Variants in NOX3 observed in about 807,000 individuals in gnomAD.
NOX3 encodes the protein NADPH oxidase 3, also known as NADPH oxidase catalytic subunit-like 3.
Under a neutral mutation model 76.7 loss-of-function variants are expected in NOX3, and 74 were observed. The observed-to-expected ratio is 0.96, with a 90% CI of 0.80 to 1.17. The LOEUF (loss-of-function observed/expected upper bound fraction) is 1.17, where lower values mean the gene tolerates loss of function less well. Ranked by LOEUF, NOX3 falls within the 50% of genes most tolerant of loss-of-function variation. NOX3 has a pLI of 0.00. For synonymous variants in NOX3, 263 were observed against 261.1 expected (o/e 1.01, Z -0.07); for missense variants, 695 against 703.3 (o/e 0.99, Z 0.13).
intron 5 of NOX3, among the ~76,000 whole-genome samples, chr6:155,441,055 A>G (rs1776979391): frequency 6.6e-6 from 1 of 152,248 alleles, no homozygotes; most frequent in African/African-American, 2.4e-5. Context: ...GGACACGGCT[A>G]AACGGCCAGA....
chr6:155,447,048 CTT>C (rs34046104), intron 4 of NOX3, among the ~76,000 whole-genome samples: 14 of 143,764 alleles, frequency 9.7e-5, no homozygotes, highest in Non-Finnish European at 1.1e-4. Context: ...TATTTTATAA[CTT>C]TTTTTTTTTT....
intron 12 of NOX3, among the ~76,000 whole-genome samples, chr6:155,401,100 C>T (rs926527): frequency 0.18 from 26,620 of 152,004 alleles, 2,449 homozygotes; most frequent in South Asian, 0.22. Flanking sequence ...AAATATTTTG[C>T]CAAACTAATA....
At chr6:155,421,338 A>C (rs1409011866) in intron 10 of NOX3, among the ~76,000 whole-genome samples, 1 of 152,214 alleles carries the variant, frequency 6.6e-6, no homozygotes, top group Non-Finnish European at 1.5e-5. Flanking sequence ...GAGATTAAAA[A>C]ATTCAAATGA....
intron 9 of NOX3, among the ~76,000 whole-genome samples, chr6:155,424,111 A>G (rs1776727268): frequency 6.6e-6 from 1 of 152,262 alleles, no homozygotes; most frequent in African/African-American, 2.4e-5. Context: ...TATCCCAATC[A>G]TTCCTTTCCT....
intron 12 of NOX3, among the ~76,000 whole-genome samples, chr6:155,404,133 T>A (rs981973143): frequency 7.9e-4 from 117 of 148,294 alleles, no homozygotes; most frequent in African/African-American, 2.9e-3. Flanking sequence ...ATATATTTTT[T>A]TTTTCCCAAA....
Position 155,441,993 on chromosome 6 carries a change from G to C in NOX3, c.486+1280C>G, listed in dbSNP as rs370245223. 2.0e-5 allele frequency among the ~76,000 whole-genome samples: 3 copies of C among 152,164 alleles called. No individual in the cohort carries two copies. In the East Asian group the frequency reaches 5.8e-4, roughly 29 times the overall value. On this transcript the variant is annotated intron_variant, in intron 5 of 13. Transcript: ENST00000159060. Reference sequence around the variant, plus strand: ...AGAAAAGGTAGCTCAAGCCGAGCGCGGTGGCTCACGCCTGTAATCCCAGCA... The same window carrying C: ...AGAAAAGGTAGCTCAAGCCGAGCGCCGTGGCTCACGCCTGTAATCCCAGCA...
In NOX3 at chr6:155,422,768, T is replaced by C. The variant is rs1776707435; in HGVS notation, c.1234A>G (p.Thr412Ala). 1 of 1,613,972 alleles carries C rather than the reference T, an allele frequency of 6.2e-7. No homozygotes were observed. The highest frequency in any genetic ancestry group is 8.5e-7 in the Non-Finnish European group (1 of 1,179,974). Residue 412 changes from threonine (T) to alanine (A), a missense_variant, in exon 10 of 14, where the codon ACT becomes GCT. Physicochemically the swap from Thr to Ala is moderately conservative, Grantham distance 58. Coordinates refer to ENST00000159060, the MANE Select transcript of NOX3 (RefSeq NM_015718.3). ...GATTTCAGAAGAGCAGCGAAGGGAG[T>C]GACTCCGATCCCCGCGGCAACGCAC... ...CVCVAAGIGV[T>A]PFAALLKSIW...
chr6:155,436,982 G>A (rs1046656858), intron 6 of NOX3, among the ~76,000 whole-genome samples: 2 of 152,122 alleles, frequency 1.3e-5, no homozygotes, highest in Non-Finnish European at 2.9e-5. Flanking sequence ...TGAATGCTCA[G>A]AAGTCTTCAA....
intron 5 of NOX3, 32 bp downstream of exon 5, chr6:155,443,241 G>T (rs774711849): frequency 6.3e-7 from 1 of 1,597,018 alleles, no homozygotes. Context: ...GGATTTTTCA[G>T]GGGAGAAGCT....
intron 10 of NOX3, among the ~76,000 whole-genome samples, chr6:155,418,376 C>T (rs1776646852): frequency 6.6e-6 from 1 of 152,226 alleles, no homozygotes; most frequent in Admixed American, 6.5e-5. Flanking sequence ...TCTCAACCAC[C>T]CTCAGCCTTC....
chr6:155,433,850 G>T (rs1776866856), intron 7 of NOX3, among the ~76,000 whole-genome samples: 1 of 152,216 alleles, frequency 6.6e-6, no homozygotes, highest in East Asian at 1.9e-4. Flanking sequence ...TAATGGGGAA[G>T]AACTATTTAG....
chr6:155,426,976 C>T (rs1582937620), intron 9 of NOX3, among the ~76,000 whole-genome samples: 1 of 82,068 alleles, frequency 1.2e-5, no homozygotes, highest in Non-Finnish European at 2.2e-5. Flanking sequence ...AGCAGTTAGA[C>T]ACTGTGGCGT....
chr6:155,438,525 G>A (rs750946930), intron 6 of NOX3, among the ~76,000 whole-genome samples: 9 of 152,190 alleles, frequency 5.9e-5, no homozygotes, highest in East Asian at 3.8e-4. Flanking sequence ...GAGGGACCAC[G>A]GGAGAAGTCT....
At chr6:155,415,562 T>C (rs1422088647) in intron 10 of NOX3, among the ~76,000 whole-genome samples, 1 of 152,196 alleles carries the variant, frequency 6.6e-6, no homozygotes, top group Non-Finnish European at 1.5e-5. Context: ...GTTTAGGATA[T>C]AGTGTAGCAT....
chr6:155,414,848 G>C (rs918357607), intron 10 of NOX3, among the ~76,000 whole-genome samples: 4 of 151,846 alleles, frequency 2.6e-5, no homozygotes, highest in African/African-American at 9.7e-5. Flanking sequence ...TGCTGGTCTC[G>C]AACTCCTGAC....
intron 5 of NOX3, among the ~76,000 whole-genome samples, chr6:155,442,536 C>T (rs1777007584): frequency 6.6e-6 from 1 of 152,132 alleles, no homozygotes; most frequent in Non-Finnish European, 1.5e-5. Flanking sequence ...TATTTTTAGT[C>T]TGGTCAACGT....
intron 8 of NOX3, among the ~76,000 whole-genome samples, chr6:155,430,115 G>C (rs938334231): frequency 6.6e-6 from 1 of 152,174 alleles, no homozygotes; most frequent in African/African-American, 2.4e-5. Flanking sequence ...TAGCAAAGTG[G>C]GATAGGCTTG....
At chr6:155,447,179 G>A (rs1053770047) in intron 4 of NOX3, among the ~76,000 whole-genome samples, 1 of 151,934 alleles carries the variant, frequency 6.6e-6, no homozygotes, top group Non-Finnish European at 1.5e-5. Context: ...TAAGTAGCTG[G>A]GATTACAGGC....
At chr6:155,445,876 A>ATATATATGCTATATATATATAT (rs1554264788) in intron 4 of NOX3, among the ~76,000 whole-genome samples, 75 of 122,824 alleles carry the variant, frequency 6.1e-4, no homozygotes, top group African/African-American at 2.0e-3. Flanking sequence ...ATACATATAT[A>ATATATATGCTATATATATATAT]TATATATATG....
Sources: allele counts gnomAD v4.1 joint callset (sites outside exome capture counted in the v4.1 genomes callset), GRCh38; gene constraint gnomAD v4.1.1; transcripts MANE v1.5; gene names NCBI Gene and HGNC (gene_info 2026-07-23, HGNC 2026-07-21).